The following MAPKBP1 variants were observed in gnomAD, a reference collection of about 807,000 sequenced individuals.
MAPKBP1 encodes the protein mitogen-activated protein kinase binding protein 1, also known as mitogen-activated protein kinase-binding protein 1.
In MAPKBP1, 71 loss-of-function variants were observed where a neutral mutation model predicts 170.5. The observed-to-expected ratio is 0.42, with a 90% CI of 0.34 to 0.51. The LOEUF is 0.51. Ranked by LOEUF, MAPKBP1 falls within the 20% of genes least tolerant of loss-of-function variation. The pLI is 0.06. For missense variants in MAPKBP1, 1,598 were observed against 1,933.0 expected, an observed-to-expected ratio of 0.83 and a Z score of 3.25; for synonymous variants, 719 against 757.9, an observed-to-expected ratio of 0.95 and a Z score of 0.84.
At chr15:41,789,628 A>G (rs977665872) in intron 2 of MAPKBP1, among the ~76,000 whole-genome samples, 8 of 152,182 alleles carry the variant, frequency 5.3e-5, no homozygotes, top group African/African-American at 1.9e-4. Context: ...TGGCTATAGC[A>G]TAGGCTGGAC....
At chr15:41,819,938 C>G (rs529581662) in intron 22 of MAPKBP1, among the ~76,000 whole-genome samples, 3 of 152,250 alleles carry the variant, frequency 2.0e-5, no homozygotes, top group African/African-American at 7.2e-5. Flanking sequence ...TGCCTGGTGC[C>G]TGGAAGTAAA....
chr15:41,798,569 A>G (rs1479918812), intron 2 of MAPKBP1, among the ~76,000 whole-genome samples: 1 of 152,010 alleles, frequency 6.6e-6, no homozygotes, highest in East Asian at 1.9e-4. Context: ...AGGCGTGAGC[A>G]ATTGTACCTG....
At chr15:41,822,478 C>T in intron 26 of MAPKBP1, 56 bp downstream of exon 26, 1 of 1,603,798 alleles carries the variant, frequency 6.2e-7, no homozygotes, top group Non-Finnish European at 8.5e-7. Context: ...CCCCTCCTTG[C>T]CTACCTGAGA....
At position 41,818,629 on chromosome 15, in the gene MAPKBP1, C is replaced by T; in HGVS notation, c.2156+47C>T. The T allele has an allele frequency of 6.4e-7, 1 of 1,566,734 alleles. No individual in the cohort carries two copies. Among genetic ancestry groups the T allele is most frequent in the Non-Finnish European group, 8.7e-7 (1 of 1,145,180 alleles). On this transcript the variant is annotated intron_variant, in intron 19 of 30. Coordinates refer to ENST00000457542, the MANE Select transcript of MAPKBP1 (RefSeq NM_014994.3). The surrounding 1 kb of genome is among the most constrained non-coding windows in gnomAD (Gnocchi z 5.2). ...TGAGAGGCAGATTCTTACTCTGCCA[C>T]AGCACCCTGCCCTCCCCTCTCTCCA...
intron 2 of MAPKBP1, among the ~76,000 whole-genome samples, chr15:41,776,273 A>G (rs2064096706): frequency 6.6e-6 from 1 of 152,252 alleles, no homozygotes. Context: ...AGGGAGAGGC[A>G]TTTGAGACCA....
chr15:41,786,781 T>TATATATATATATATAC (rs2064304605), intron 2 of MAPKBP1, among the ~76,000 whole-genome samples: 1 of 45,638 alleles, frequency 2.2e-5, no homozygotes, highest in Non-Finnish European at 3.9e-5. Flanking sequence ...AAAAAAAATA[T>TATATATATATATATAC]ATATATATAT....
intron 2 of MAPKBP1, among the ~76,000 whole-genome samples, chr15:41,799,299 G>A (rs979606363): frequency 1.3e-5 from 2 of 152,100 alleles, no homozygotes; most frequent in South Asian, 4.2e-4. Flanking sequence ...TTTGGGAGGT[G>A]GAGCCCTCTG....
chr15:41,821,982 C>G lies in MAPKBP1; in HGVS notation c.2903C>G (p.Ala968Gly). ...CCTGACAGTGAGTTCCAAGTGCAGG[C>G]TCCAGCCCGGGGAACTCTGGGAAGA... ...TMDTSEFQVQ[A>G]PARGTLGRVY... Residue 968 changes from alanine to glycine, a missense_variant, in exon 25 of 31, where the codon GCT (alanine) becomes GGT (glycine). Coordinates refer to ENST00000457542, the MANE Select transcript of MAPKBP1 (RefSeq NM_014994.3). The G allele has an allele frequency of 6.2e-7, 1 of 1,610,934 alleles. No individual in the cohort carries two copies. The highest frequency in any genetic ancestry group is 1.7e-4 in the Middle Eastern group (1 of 5,884).
chr15:41,822,102 C>T lies in MAPKBP1; in HGVS notation c.3023C>T (p.Pro1008Leu). The T allele has an allele frequency of 6.2e-7, 1 of 1,605,830 alleles. No homozygotes were observed. The highest frequency in any genetic ancestry group is 8.5e-7 in the Non-Finnish European group (1 of 1,176,124). The stretch of plus-strand genomic sequence containing the variant: ...AGCTGCCTTTCCAGCCCGGAGCACC[C>T]CACTGAAGGTGAGGCTGTAGCCTGG... Reference protein sequence around the residue: ...SSSCLSSPEHPTEDSESTEPL... With the variant: ...SSSCLSSPEHLTEDSESTEPL... The change falls in exon 25 of 31, where the codon CCC becomes CTC. Residue 1008 changes from proline to leucine, a missense_variant. This residue lies in a region of MAPKBP1 where 942 missense variants were observed against 953.2 expected (regional missense o/e 0.99). Coordinates refer to ENST00000457542, the MANE Select transcript of MAPKBP1 (RefSeq NM_014994.3).
chr15:41,775,479 C>T, intron 2 of MAPKBP1, 90 bp downstream of exon 2: 1 of 941,992 alleles, frequency 1.1e-6, no homozygotes, highest in Non-Finnish European at 1.7e-6. Flanking sequence ...GGAAAGATAA[C>T]TAGAAGCCCT....
Position 41,827,612 on chromosome 15 carries a change from G to A in MAPKBP1, c.*2176G>A, listed in dbSNP as rs1178725138. 1 of 152,680 alleles carries A rather than the reference G, an allele frequency of 6.5e-6. No homozygotes were observed. Among genetic ancestry groups the A allele is most frequent in the Non-Finnish European group, 1.5e-5 (1 of 68,310 alleles). The allele number at this position is 152,680 out of a possible 1,614,324, so 9.5% of individuals were successfully genotyped here. ...TCCTGCCCTCTGCCCCATGTGGGTG[G>A]GGGGCCTCGTGGCCCGGCCGGCGCC... On this transcript the variant is annotated 3_prime_UTR_variant, in exon 31 of 31. Transcript: ENST00000457542.
chr15:41,819,249 C>T lies in MAPKBP1; in HGVS notation c.2295C>T (p.His765=), dbSNP rs948856000. Residue 765 remains histidine (H), a synonymous_variant, in exon 21 of 31, where the codon CAC becomes CAT. Transcript: ENST00000457542. ...SPQRASGPNR[H]QAPSMLSPGP... ...CCCTTCCTTGTCTCGGACTCAGGCA[C>T]CAGGCCCCATCAATGCTGTCTCCTG... The T allele has an allele frequency of 1.2e-6, 2 of 1,613,958 alleles. No individual in the cohort carries two copies. Among genetic ancestry groups the T allele is most frequent in the East Asian group, 4.5e-5 (2 of 44,868 alleles).
At chr15:41,811,005 G>A (rs2064795255) in intron 4 of MAPKBP1, 60 bp downstream of exon 4, 3 of 1,597,740 alleles carry the variant, frequency 1.9e-6, no homozygotes, top group Non-Finnish European at 2.6e-6. Context: ...GAAGGGCACT[G>A]TCTAGAGTCT....
intron 2 of MAPKBP1, among the ~76,000 whole-genome samples, chr15:41,786,516 G>A (rs1017962934): frequency 6.6e-6 from 1 of 151,668 alleles, no homozygotes; most frequent in African/African-American, 2.4e-5. Flanking sequence ...TGTAATCCCA[G>A]CACTTTGGGA....
chr15:41,786,774 AAAAAT>A (rs1388321888), intron 2 of MAPKBP1, among the ~76,000 whole-genome samples: 5 of 92,386 alleles, frequency 5.4e-5, no homozygotes, highest in East Asian at 7.2e-4. Flanking sequence ...AAAAAAAAAA[AAAAAT>A]ATATATATAT....
At chr15:41,784,780 C>A (rs558703237) in intron 2 of MAPKBP1, among the ~76,000 whole-genome samples, 410 of 94,608 alleles carry the variant, frequency 4.3e-3, no homozygotes, top group African/African-American at 7.5e-3. Context: ...GACTCCGTCT[C>A]AAAAAAAAAA....
At chr15:41,819,557 G>GGGGGGGGGGGGGGGCCCCCC in intron 21 of MAPKBP1, 38 bp from the exon 22 acceptor site, 1 of 1,384,684 alleles carries the variant, frequency 7.2e-7, no homozygotes, top group Non-Finnish European at 1.0e-6. Context: ...CGGGGGGGGG[G>GGGGGGGGGGGGGGGCCCCCC]CAGGAGACAC....
rs2065077176 is a variant in MAPKBP1, at chr15:41,825,586, G to C, written c.*150G>C. The C allele has an allele frequency of 1.6e-6, 1 of 615,918 alleles. No homozygotes were observed. The highest frequency in any genetic ancestry group is 2.8e-6 in the Non-Finnish European group (1 of 363,054). 38.2% of individuals were successfully genotyped at this position (615,918 alleles called of 1,614,324 possible). Reference sequence around the variant, plus strand: ...GCAGCCTTCCCAGCCGCTCCTCGTGGGGGGCCTGTATTTATTAATTTATTT... The same window carrying C: ...GCAGCCTTCCCAGCCGCTCCTCGTGCGGGGCCTGTATTTATTAATTTATTT... On this transcript the variant is annotated 3_prime_UTR_variant, in exon 31 of 31. Coordinates refer to ENST00000457542, the MANE Select transcript of MAPKBP1 (RefSeq NM_014994.3).
In MAPKBP1 at chr15:41,774,527, T is replaced by G. The variant is rs544116785; in HGVS notation, c.-193T>G. 1.3e-5 allele frequency: 5 copies of G among 398,484 alleles called. No individual in the cohort carries two copies. Among genetic ancestry groups the G allele is most frequent in the African/African-American group, 8.2e-5 (4 of 48,630 alleles). 24.7% of individuals were successfully genotyped at this position (398,484 alleles called of 1,614,324 possible). On this transcript the variant is annotated 5_prime_UTR_variant, in exon 1 of 31. Transcript: ENST00000457542. Reference sequence around the variant, plus strand: ...TAGCTCCTGCTGCTGCCTCTACCGCTGCGGCTACCGCGGCGGAGCTGAAAT... The same window carrying G: ...TAGCTCCTGCTGCTGCCTCTACCGCGGCGGCTACCGCGGCGGAGCTGAAAT...
Sources: allele counts gnomAD v4.1 joint callset (sites outside exome capture counted in the v4.1 genomes callset), GRCh38; gene constraint gnomAD v4.1.1; regional missense constraint gnomAD v4.1.1; non-coding constraint Gnocchi (gnomAD v3.1); transcripts MANE v1.5; gene names NCBI Gene and HGNC (gene_info 2026-07-23, HGNC 2026-07-21).